DDX10: variants seen among roughly 807,000 people sequenced by gnomAD.
The protein encoded by DDX10 is DEAD-box helicase 10, also known as probable ATP-dependent RNA helicase DDX10.
DDX10 carries 74 observed loss-of-function variants against 104.3 expected under a neutral mutation model. That is an observed-to-expected ratio of 0.71 (90% CI 0.59 to 0.86). The LOEUF is 0.86. Ranked by LOEUF, DDX10 falls within the 40% of genes least tolerant of loss-of-function variation. The pLI is 0.00. For missense variants in DDX10, 952 were observed against 1,040.0 expected (o/e 0.92, Z 1.16); for synonymous variants, 351 against 353.4 (o/e 0.99, Z 0.08).
chr11:108,688,051 C>T (rs2094247086), intron 6 of DDX10, among the ~76,000 whole-genome samples: 1 of 152,170 alleles, frequency 6.6e-6, no homozygotes. Context: ...ATAGAATCTT[C>T]ATTCCTTTTT....
chr11:108,869,196 T>TA (rs1863048423), intron 16 of DDX10, among the ~76,000 whole-genome samples: 1 of 59,984 alleles, frequency 1.7e-5, no homozygotes, highest in Non-Finnish European at 3.8e-5. Flanking sequence ...TTAAACCCGT[T>TA]GTTTTTTTTT....
At position 108,715,924 on chromosome 11, in the gene DDX10, T is replaced by C. The variant is rs940525751; in HGVS notation, c.1368T>C (p.Ser456=). 4.5e-6 allele frequency: 7 copies of C among 1,568,618 alleles called. No individual in the cohort carries two copies. In the African/African-American group the frequency reaches 5.4e-5, roughly 12 times the overall value. ...TAGATGTCCAGAAAAAATTGGAATC[T>C]ATTTTAGCTCAAGATCAAGATTTAA... ...KLIDVQKKLE[S]ILAQDQDLKE... Residue 456 remains serine (S), a synonymous_variant, in exon 11 of 18, where the codon TCT becomes TCC. Coordinates refer to ENST00000322536, the MANE Select transcript of DDX10 (RefSeq NM_004398.4).
intron 16 of DDX10, among the ~76,000 whole-genome samples, chr11:108,889,339 G>A (rs1008323671): frequency 6.6e-6 from 1 of 152,084 alleles, no homozygotes. Context: ...TACTGTCACT[G>A]TATAAAACTC....
At chr11:108,753,481 CAA>C (rs1451001833) in intron 13 of DDX10, among the ~76,000 whole-genome samples, 2 of 152,040 alleles carry the variant, frequency 1.3e-5, no homozygotes, top group East Asian at 1.9e-4. Context: ...ATTAATGAAA[CAA>C]AAAATTTTGA....
intron 16 of DDX10, among the ~76,000 whole-genome samples, chr11:108,893,274 G>A (rs1035990606): frequency 6.6e-6 from 1 of 151,862 alleles, no homozygotes; most frequent in Non-Finnish European, 1.5e-5. Context: ...GATGGTAAGG[G>A]ATATTTGGTT....
At chr11:108,845,722 T>C (rs1440293634) in intron 15 of DDX10, among the ~76,000 whole-genome samples, 1 of 152,246 alleles carries the variant, frequency 6.6e-6, no homozygotes, top group Admixed American at 6.5e-5. Context: ...TCTTTTAATG[T>C]ATATTAATTG....
chr11:108,696,688 G>A (rs1294935606), intron 9 of DDX10, among the ~76,000 whole-genome samples: 1 of 152,096 alleles, frequency 6.6e-6, no homozygotes, highest in Non-Finnish European at 1.5e-5. Flanking sequence ...ATTGGGCCAG[G>A]GGTGTAGGCG....
At chr11:108,788,724 G>A (rs1382333570) in intron 13 of DDX10, among the ~76,000 whole-genome samples, 1 of 152,208 alleles carries the variant, frequency 6.6e-6, no homozygotes, top group African/African-American at 2.4e-5. Flanking sequence ...TTTTGGTGGT[G>A]TATTTTGGGC....
At chr11:108,849,123 T>TG (rs1364911305) in intron 15 of DDX10, among the ~76,000 whole-genome samples, 1 of 152,284 alleles carries the variant, frequency 6.6e-6, no homozygotes, top group African/African-American at 2.4e-5. Context: ...GTTAAGTTCC[T>TG]GGGAAGGATT....
chr11:108,697,603 ATTTCCCTGTAT>A (rs142130819), intron 9 of DDX10, among the ~76,000 whole-genome samples: 20,690 of 152,052 alleles, frequency 0.14, 1,527 homozygotes, highest in East Asian at 0.25. Context: ...CAGTTGAGAA[ATTTCCCTGTAT>A]TTTCCTTAAC....
At chr11:108,833,299 A>G (rs1862497970) in intron 13 of DDX10, among the ~76,000 whole-genome samples, 1 of 152,226 alleles carries the variant, frequency 6.6e-6, no homozygotes, top group African/African-American at 2.4e-5. Context: ...CTAAGATTAT[A>G]TATATAATTA....
intron 16 of DDX10, among the ~76,000 whole-genome samples, chr11:108,853,259 C>A (rs1174505862): frequency 1.3e-5 from 2 of 152,130 alleles, no homozygotes; most frequent in African/African-American, 2.4e-5. Flanking sequence ...ACCACTAGAT[C>A]TCAGAGGCTG....
chr11:108,785,770 AAT>A (rs1184894441), intron 13 of DDX10, among the ~76,000 whole-genome samples: 1 of 152,056 alleles, frequency 6.6e-6, no homozygotes, highest in Non-Finnish European at 1.5e-5. Context: ...GATAGGTTGT[AAT>A]ATCTTTGTCA....
intron 13 of DDX10, among the ~76,000 whole-genome samples, chr11:108,777,496 T>G (rs2094371622): frequency 6.6e-6 from 1 of 152,032 alleles, no homozygotes; most frequent in African/African-American, 2.4e-5. Flanking sequence ...ATAAGTTTTG[T>G]GTTTTTAGTA....
At chr11:108,744,071 T>G (rs987208314) in intron 13 of DDX10, among the ~76,000 whole-genome samples, 3 of 152,194 alleles carry the variant, frequency 2.0e-5, no homozygotes, top group Non-Finnish European at 2.9e-5. Context: ...CTTAGTGGTA[T>G]AACAGAGAAA....
At chr11:108,688,885 A>G (rs1365214470) in intron 6 of DDX10, 51 bp from the exon 7 acceptor site, 2 of 1,571,604 alleles carry the variant, frequency 1.3e-6, no homozygotes, top group Admixed American at 1.8e-5. Context: ...TCTGGATTTC[A>G]GTTACTTACA....
At chr11:108,764,845 T>C (rs981735972) in intron 13 of DDX10, among the ~76,000 whole-genome samples, 1 of 152,162 alleles carries the variant, frequency 6.6e-6, no homozygotes, top group Non-Finnish European at 1.5e-5. Context: ...AAATAACTAA[T>C]TGAATAAAAC....
intron 6 of DDX10, among the ~76,000 whole-genome samples, chr11:108,684,176 C>CTTTTTTTTTTTTTTTCT (rs55949043): frequency 3.7e-5 from 1 of 26,672 alleles, no homozygotes; most frequent in Non-Finnish European, 6.3e-5. Context: ...TATAGATTTT[C>CTTTTTTTTTTTTTTTCT]TTTTTTTTTT....
chr11:108,872,086 T>C (rs1863090166), intron 16 of DDX10, among the ~76,000 whole-genome samples: 1 of 152,246 alleles, frequency 6.6e-6, no homozygotes, highest in South Asian at 2.1e-4. Context: ...TGAATTTGCC[T>C]TATGAGTTAA....
Sources: allele counts gnomAD v4.1 joint callset (sites outside exome capture counted in the v4.1 genomes callset), GRCh38; gene constraint gnomAD v4.1.1; transcripts MANE v1.5; gene names NCBI Gene and HGNC (gene_info 2026-07-23, HGNC 2026-07-21).